CHEK2: variants seen among roughly 807,000 people sequenced by gnomAD.
CHEK2 encodes checkpoint kinase 2.
CHEK2 carries 71 observed loss-of-function variants against 69.1 expected under a neutral mutation model. That is an observed-to-expected ratio of 1.03 (90% confidence interval 0.85 to 1.25). The LOEUF (loss-of-function observed/expected upper bound fraction) is 1.25, where lower values mean the gene tolerates loss of function less well. Ranked by LOEUF, CHEK2 falls within the 50% of genes most tolerant of loss-of-function variation. CHEK2 has a pLI of 0.00. For missense variants in CHEK2, 664 were observed against 649.6 expected (o/e 1.02, Z -0.24); for synonymous variants, 189 against 226.9 (o/e 0.83, Z 1.50).
chr22:28,704,261 A>G (rs1389506799), intron 7 of CHEK2, among the ~76,000 whole-genome samples: 1 of 151,454 alleles, frequency 6.6e-6, no homozygotes, highest in African/African-American at 2.4e-5. Context: ...TGCCTATACA[A>G]TATCATGACT....
chr22:28,697,029 G>T, intron 9 of CHEK2, 42 bp from the exon 10 acceptor site: 2 of 1,248,340 alleles, frequency 1.6e-6, no homozygotes, highest in Non-Finnish European at 2.4e-6. Flanking sequence ...TCATGCAGTA[G>T]ATACTTAAGT....
intron 7 of CHEK2, among the ~76,000 whole-genome samples, chr22:28,705,021 C>T (rs2053058272): frequency 6.6e-6 from 1 of 151,272 alleles, no homozygotes; most frequent in Admixed American, 6.6e-5. Flanking sequence ...GAGTATGATA[C>T]AAGTTGAGCA....
chr22:28,692,161 G>A (rs374909488), intron 13 of CHEK2, among the ~76,000 whole-genome samples: 10 of 152,208 alleles, frequency 6.6e-5, no homozygotes, highest in African/African-American at 2.2e-4. Context: ...TCAGGCAGAT[G>A]CAAACCCTGT....
intron 13 of CHEK2, among the ~76,000 whole-genome samples, chr22:28,693,709 A>T (rs746712650): frequency 5.3e-5 from 8 of 152,186 alleles, no homozygotes; most frequent in Non-Finnish European, 2.9e-5. Flanking sequence ...AAATACAAAA[A>T]GTAGCTGGGC....
chr22:28,702,642 G>A (rs1197154448), intron 8 of CHEK2, among the ~76,000 whole-genome samples: 6 of 151,246 alleles, frequency 4.0e-5, no homozygotes, highest in Non-Finnish European at 5.9e-5. Context: ...TGCCTCCCGG[G>A]TTCAAGCTAT....
chr22:28,697,104 A>G, intron 9 of CHEK2, 117 bp from the exon 10 acceptor site: 1 of 711,258 alleles, frequency 1.4e-6, no homozygotes, highest in East Asian at 2.7e-5. Context: ...GATACACACA[A>G]CCATATTCTC....
chr22:28,708,970 A>AC (rs1253332111), intron 7 of CHEK2: 2 of 418,648 alleles, frequency 4.8e-6, no homozygotes, highest in African/African-American at 4.2e-5. Context: ...AAAAAAAAAA[A>AC]AAAACAAACA....
At chr22:28,717,532 G>A (rs1249374827) in intron 5 of CHEK2, among the ~76,000 whole-genome samples, 2 of 151,786 alleles carry the variant, frequency 1.3e-5, no homozygotes, top group East Asian at 3.9e-4. Flanking sequence ...CCAGGAGTTC[G>A]AGACAAGCCT....
rs1555920076 is a variant in CHEK2 at position 28,709,991 on chromosome 22, TATA to T, written c.846+12_846+14del. ...GATAGATAAATCTAAGTATGAGTCA[TATA>T]ATAATACTTACATGATTTAGCTTTT... On this transcript the variant is annotated intron_variant, in intron 7 of 14. Coordinates refer to ENST00000404276, the MANE Select transcript of CHEK2 (RefSeq NM_007194.4). 2 of 1,337,134 alleles carry T rather than the reference TATA, an allele frequency of 1.5e-6. No individual in the cohort carries two copies. Among genetic ancestry groups the T allele is most frequent in the Non-Finnish European group, 2.1e-6 (2 of 931,320 alleles). The allele number at this position is 1,337,134 out of a possible 1,614,324, so 82.8% of individuals were successfully genotyped here.
intron 2 of CHEK2, among the ~76,000 whole-genome samples, chr22:28,732,261 G>A (rs561329697): frequency 6.6e-6 from 1 of 152,054 alleles, no homozygotes; most frequent in Non-Finnish European, 1.5e-5. Flanking sequence ...ACAGGAGCCC[G>A]CCACCATGCC....
At chr22:28,729,527 C>T (rs1452324958) in intron 2 of CHEK2, among the ~76,000 whole-genome samples, 8 of 108,796 alleles carry the variant, frequency 7.4e-5, no homozygotes, top group Admixed American at 3.8e-4. Flanking sequence ...TGGGCGACAG[C>T]GAGACTCCAT....
In CHEK2 at chr22:28,710,116, A is replaced by G. The variant is rs2053340931; in HGVS notation, c.793-57T>C. The G allele has an allele frequency of 2.5e-6, 3 of 1,218,798 alleles. No individual in the cohort carries two copies. The Admixed American group carries it at 5.3e-5, about 21-fold the overall frequency. 75.5% of individuals were successfully genotyped at this position (1,218,798 alleles called of 1,614,324 possible). ...TAATAATAATTGCCAATATTTAAAA[A>G]AACATTTACAGTTAAACTCAGTTGA... is the stretch of plus-strand genomic sequence containing the variant. On this transcript the variant is annotated intron_variant, in intron 6 of 14. Coordinates refer to ENST00000404276, the MANE Select transcript of CHEK2 (RefSeq NM_007194.4).
intron 1 of CHEK2, among the ~76,000 whole-genome samples, chr22:28,735,747 T>C (rs1282457626): frequency 2.0e-5 from 3 of 151,794 alleles, no homozygotes; most frequent in Non-Finnish European, 2.9e-5. Flanking sequence ...CCGGGTGTGG[T>C]GGCAGGCGCC....
intron 2 of CHEK2, among the ~76,000 whole-genome samples, chr22:28,733,753 T>C (rs17885892): frequency 0.085 from 12,846 of 151,860 alleles, 615 homozygotes; most frequent in South Asian, 0.11. Flanking sequence ...ACCCCGTCTC[T>C]ACTAAAAATA....
chr22:28,701,160 G>T (rs906376761), intron 8 of CHEK2, among the ~76,000 whole-genome samples: 48 of 152,292 alleles, frequency 3.2e-4, no homozygotes, highest in African/African-American at 1.1e-3. Flanking sequence ...GATAGCAGCA[G>T]ATCCACAAGG....
chr22:28,703,491 A>T lies in CHEK2; in HGVS notation c.908+14T>A, dbSNP rs538313507. The T allele has an allele frequency of 1.6e-6, 2 of 1,284,976 alleles. No homozygotes were observed. Among genetic ancestry groups the T allele is most frequent in the African/African-American group, 2.9e-5 (2 of 68,026 alleles). The allele number at this position is 1,284,976 out of a possible 1,614,324, so 79.6% of individuals were successfully genotyped here. On this transcript the variant is annotated intron_variant, in intron 8 of 14. Coordinates refer to ENST00000404276, the MANE Select transcript of CHEK2 (RefSeq NM_007194.4). ...TGAATGGAAACAGAAATTTTTAAAAAGTTTACTACTTACAATTCCAAAACA... is the reference window on the plus strand; with the variant it reads ...TGAATGGAAACAGAAATTTTTAAAATGTTTACTACTTACAATTCCAAAACA...
At position 28,692,436 on chromosome 22, in the gene CHEK2, T is replaced by C. The variant is rs1216345980; in HGVS notation, c.1461+1596A>G. 2.0e-5 allele frequency among the ~76,000 whole-genome samples: 3 copies of C among 152,090 alleles called. 1 individual carries two copies. Among genetic ancestry groups the C allele is most frequent in the Admixed American group, 2.0e-4 (3 of 15,258 alleles). ...CAGATTTCTTCTGGGGAGACTGTAG[T>C]TTCCAGGGCAACATCCAAACACATA... On this transcript the variant is annotated intron_variant, in intron 13 of 14. Coordinates refer to ENST00000404276, the MANE Select transcript of CHEK2 (RefSeq NM_007194.4).
intron 8 of CHEK2, among the ~76,000 whole-genome samples, chr22:28,702,145 G>C (rs1409022654): frequency 6.7e-6 from 1 of 149,954 alleles, no homozygotes. Context: ...CTGTGTGTGT[G>C]TGTGTGTGTG....
intron 2 of CHEK2, among the ~76,000 whole-genome samples, chr22:28,733,922 C>CA (rs545037765): frequency 0.011 from 956 of 83,880 alleles, 3 homozygotes; most frequent in Non-Finnish European, 0.014. Context: ...ACTCCGTTGC[C>CA]AAAAAAAAAA....
Sources: gnomAD v4.1 joint callset for allele counts (sites outside exome capture counted in the v4.1 genomes callset) on GRCh38, gnomAD v4.1.1 for gene constraint, MANE v1.5 for transcripts, NCBI Gene and HGNC (gene_info 2026-07-23, HGNC 2026-07-21) for gene names.